Variants in MAPK8IP3 observed in about 807,000 individuals in gnomAD.
The protein encoded by MAPK8IP3 is C-Jun-amino-terminal kinase-interacting protein 3.
A neutral mutation model predicts 157.8 loss-of-function variants in MAPK8IP3; 49 were observed. The ratio of observed to expected loss-of-function variants is 0.31; its 90% CI spans 0.25 to 0.39. MAPK8IP3 has a LOEUF of 0.39. Ranked by LOEUF, MAPK8IP3 falls within the 10% of genes least tolerant of loss-of-function variation. The pLI is 1.00. For synonymous variants in MAPK8IP3, 897 were observed against 777.7 expected (o/e 1.15, Z -2.55); for missense variants, 1,478 against 1,889.4 (o/e 0.78, Z 4.04).
At position 1,743,833 on chromosome 16, in the gene MAPK8IP3, C is replaced by G; in HGVS notation, c.747+357C>G. ...ACCCCCACATAAAGCCTCATGCTCA[C>G]CCGGGCTCCAGCCAGACACATCCTG... On this transcript the variant is annotated intron_variant, in intron 5 of 31. Transcript: ENST00000610761. This position sits in a 1 kb window ranked among gnomAD's most constrained non-coding sequence, Gnocchi z 5.6. 1 of 1,137,208 alleles carries G rather than the reference C, an allele frequency of 8.8e-7. No homozygotes were observed. The highest frequency in any genetic ancestry group is 1.1e-6 in the Non-Finnish European group (1 of 924,176). 70.4% of individuals were successfully genotyped at this position (1,137,208 alleles called of 1,614,324 possible).
At chr16:1,745,385 C>G (rs926482337) in intron 5 of MAPK8IP3, 1 of 155,104 alleles carries the variant, frequency 6.4e-6, no homozygotes, top group African/African-American at 2.4e-5. Flanking sequence ...TAGACAGGTT[C>G]TTTGAGAACG....
chr16:1,709,736 C>G (rs1226082484), intron 1 of MAPK8IP3, among the ~76,000 whole-genome samples: 1 of 152,246 alleles, frequency 6.6e-6, no homozygotes, highest in African/African-American at 2.4e-5. Context: ...CAGAGGAGGG[C>G]CGGGCAGAGC....
intron 2 of MAPK8IP3, among the ~76,000 whole-genome samples, chr16:1,727,433 C>T (rs1057098844): frequency 2.0e-5 from 3 of 151,924 alleles, no homozygotes; most frequent in South Asian, 2.1e-4. Context: ...ACATGTGTCA[C>T]GTGTCATGTC....
intron 8 of MAPK8IP3, among the ~76,000 whole-genome samples, chr16:1,757,264 C>G (rs993739840): frequency 2.6e-5 from 4 of 152,102 alleles, no homozygotes; most frequent in Admixed American, 6.5e-5. Context: ...GCTACCAGGT[C>G]TGGCTGATTT....
At chr16:1,723,636 A>C (rs1028794584) in intron 1 of MAPK8IP3, among the ~76,000 whole-genome samples, 14 of 152,120 alleles carry the variant, frequency 9.2e-5, no homozygotes, top group African/African-American at 3.4e-4. Flanking sequence ...AAACAAAACA[A>C]AACAAAACAA....
chr16:1,735,424 A>T (rs1187747029), intron 4 of MAPK8IP3, among the ~76,000 whole-genome samples: 4 of 142,496 alleles, frequency 2.8e-5, no homozygotes, highest in Non-Finnish European at 6.0e-5. Context: ...CGTCCGTGTG[A>T]CCATCCGTGT....
At chr16:1,733,816 G>T (rs1184288240) in intron 4 of MAPK8IP3, among the ~76,000 whole-genome samples, 3 of 152,216 alleles carry the variant, frequency 2.0e-5, no homozygotes, top group Non-Finnish European at 2.9e-5. Flanking sequence ...GAAGCCCCTC[G>T]ATCATTTTGT....
intron 1 of MAPK8IP3, among the ~76,000 whole-genome samples, chr16:1,720,149 C>G (rs1368645739): frequency 6.6e-6 from 1 of 152,236 alleles, no homozygotes; most frequent in East Asian, 1.9e-4. Flanking sequence ...ATTCTCCTGC[C>G]TCAGCCTCCT....
At position 1,763,740 on chromosome 16, in the gene MAPK8IP3, G is replaced by A. The variant is rs372675130; in HGVS notation, c.1982G>A (p.Arg661His). The A allele has an allele frequency of 2.6e-5, 41 of 1,592,300 alleles. No homozygotes were observed. Among genetic ancestry groups the A allele is most frequent in the Non-Finnish European group, 3.1e-5 (36 of 1,168,302 alleles). ...VREHVRNDDG[R>H]LQACGWSLPA... ...GAGCACGTGCGTAACGACGACGGCC[G>A]TCTGCAGGCCTGCGGCTGGAGCCTG... Residue 661 changes from arginine to histidine, a missense_variant, in exon 17 of 32, where the codon CGT becomes CAT. Transcript: ENST00000610761.
chr16:1,737,805 C>G (rs549521522), intron 4 of MAPK8IP3, among the ~76,000 whole-genome samples: 2 of 69,428 alleles, frequency 2.9e-5, no homozygotes, highest in African/African-American at 1.3e-4. Flanking sequence ...TCCATGTGAC[C>G]GTCCGTGTGA....
rs1188072036 is a variant in MAPK8IP3 at position 1,751,021 on chromosome 16, G to A, written c.1216+2301G>A. 6.6e-6 allele frequency among the ~76,000 whole-genome samples: 1 copy of A among 152,330 alleles called. No homozygotes were observed. Among genetic ancestry groups the A allele is most frequent in the East Asian group, 1.9e-4 (1 of 5,186 alleles). On this transcript the variant is annotated intron_variant, in intron 8 of 31. Coordinates refer to ENST00000610761, the MANE Select transcript of MAPK8IP3 (RefSeq NM_001318852.2). This position sits in a 1 kb window ranked among gnomAD's most constrained non-coding sequence, Gnocchi z 5.0. Reference sequence around the variant, plus strand: ...CAGAGGTATGACACATGTGTACGCAGAACACACAGTGTCAGGTCGCAGCTG... The same window carrying A: ...CAGAGGTATGACACATGTGTACGCAAAACACACAGTGTCAGGTCGCAGCTG...
At chr16:1,715,890 T>A (rs1184171718) in intron 1 of MAPK8IP3, among the ~76,000 whole-genome samples, 1 of 151,996 alleles carries the variant, frequency 6.6e-6, no homozygotes, top group Non-Finnish European at 1.5e-5. Context: ...CACACCCAGC[T>A]GATTTTTTGT....
intron 12 of MAPK8IP3, 59 bp from the exon 13 acceptor site, chr16:1,761,165 T>C: frequency 7.2e-7 from 1 of 1,381,422 alleles, no homozygotes; most frequent in South Asian, 1.2e-5. Context: ...CTGCCCGCTA[T>C]GTGTTCCCGA....
rs1214051106 is a variant in MAPK8IP3, at chr16:1,729,568, CCGGGGCGGAGGTACGCGGGGCGCGG to C, written c.598_602+20del. 3.7e-6 allele frequency: 6 copies of C among 1,605,078 alleles called. No homozygotes were observed. The highest frequency in any genetic ancestry group is 1.3e-5 in the African/African-American group (1 of 74,754). ...AAACAGCCAGACCGAGAGCAGCCTGCCGGGGCGGAGGTACGCGGGGCGCGGCGGGGTGGAGGTACGCGGGGCGCGG... is the reference window on the plus strand; with the variant it reads ...AAACAGCCAGACCGAGAGCAGCCTGCCGGGGTGGAGGTACGCGGGGCGCGG... On this transcript the variant is annotated splice_donor_variant and splice_donor_5th_base_variant and coding_sequence_variant and intron_variant, in exon 4 of 32. Coordinates refer to ENST00000610761, the MANE Select transcript of MAPK8IP3 (RefSeq NM_001318852.2). LOFTEE classifies it high-confidence loss of function.
At chr16:1,750,274 G>T (rs926488850) in intron 8 of MAPK8IP3, among the ~76,000 whole-genome samples, 2 of 151,894 alleles carry the variant, frequency 1.3e-5, no homozygotes, top group African/African-American at 4.8e-5. Context: ...ATGCAGTGGC[G>T]CCATCTTGGC....
rs767151800 is a variant in MAPK8IP3 at position 1,768,794 on chromosome 16, C to T, written c.3984C>T (p.Ile1328=). Residue 1328 remains isoleucine (I), a synonymous_variant, in exon 32 of 32, where the codon ATC becomes ATT. Coordinates refer to ENST00000610761, the MANE Select transcript of MAPK8IP3 (RefSeq NM_001318852.2). ...CCAAGGCAGAGCGCAGTCACATCAT[C>T]GTGTGGCAGGTGTCCTACACCCCCG... ...VLSKAERSHI[I]VWQVSYTPE 1.9e-6 allele frequency: 3 copies of T among 1,612,632 alleles called. No homozygotes were observed. The highest frequency in any genetic ancestry group is 4.5e-5 in the East Asian group (2 of 44,866).
Position 1,767,727 on chromosome 16 carries a change from A to G in MAPK8IP3, c.3401A>G (p.Lys1134Arg). The G allele has an allele frequency of 1.2e-6, 2 of 1,612,690 alleles. No homozygotes were observed. The highest frequency in any genetic ancestry group is 1.7e-6 in the Non-Finnish European group (2 of 1,179,914). The change falls in exon 27 of 32, where the codon AAG becomes AGG. Residue 1134 changes from lysine (K) to arginine (R), a missense_variant. Transcript: ENST00000610761. The stretch of plus-strand genomic sequence containing the variant: ...GTGGACATTGAGCCCTACGTCAGCA[A>G]GATGCTAGGTGAGGGGCCACGCCAG... ...QDVDIEPYVSKMLGTGKLGFS... is the reference protein window; with the variant it reads ...QDVDIEPYVSRMLGTGKLGFS...
rs2041957237 is a variant in MAPK8IP3 at position 1,761,658 on chromosome 16, G to GGCCACCATTCACCATTCACAGGCGGGGCA, written c.1539+381_1539+382insAGCCACCATTCACCATTCACAGGCGGGGC. Among the ~76,000 whole-genome samples, 3 of 133,580 alleles carry GGCCACCATTCACCATTCACAGGCGGGGCA rather than the reference G, an allele frequency of 2.2e-5. 1 individual carries two copies. The highest frequency in any genetic ancestry group is 9.5e-5 in the African/African-American group (3 of 31,566). The allele number at this position is 133,580 out of a possible 152,430, so 87.6% of individuals were successfully genotyped here. ...ACCATTCACCATTCACAGGCGGGGC[G>GGCCACCATTCACCATTCACAGGCGGGGCA]GCCACCATTCACCATTCACAGGCGG... On this transcript the variant is annotated intron_variant, in intron 13 of 31. Coordinates refer to ENST00000610761, the MANE Select transcript of MAPK8IP3 (RefSeq NM_001318852.2).
At chr16:1,760,680 C>A in intron 12 of MAPK8IP3, 148 bp downstream of exon 12, 2 of 1,012,578 alleles carry the variant, frequency 2.0e-6, no homozygotes, top group East Asian at 2.7e-5. Context: ...CCACTCCACC[C>A]CAACCAGCAG....
Sources: gnomAD v4.1 joint callset for allele counts (sites outside exome capture counted in the v4.1 genomes callset) on GRCh38, gnomAD v4.1.1 for gene constraint, Gnocchi (gnomAD v3.1) non-coding constraint, MANE v1.5 for transcripts, NCBI Gene and HGNC (gene_info 2026-07-23, HGNC 2026-07-21) for gene names.